Variants in SLC45A4 observed in about 807,000 individuals in gnomAD.
The protein encoded by SLC45A4 is polyamine-transporter SLC45A4.
Under a neutral mutation model 63.7 loss-of-function variants are expected in SLC45A4, and 32 were observed. The observed-to-expected ratio is 0.50, with a 90% CI of 0.38 to 0.67. SLC45A4 has a LOEUF of 0.67. SLC45A4 is among the 30% of genes least tolerant of loss of function. The pLI is 0.00. For synonymous variants in SLC45A4, 535 were observed against 510.0 expected (o/e 1.05, Z -0.66); for missense variants, 1,027 against 1,157.7 (o/e 0.89, Z 1.64).
chr8:141,227,613 G>GC lies in SLC45A4; in HGVS notation c.242-5849dup, dbSNP rs1328713991. ...AAAGACACTGGGCCGGGGGAGCCGG[G>GC]CCCCCAGGGCTCGGGCCACCTGCTT... is the stretch of plus-strand genomic sequence containing the variant. On this transcript the variant is annotated intron_variant, in intron 2 of 8. Transcript: ENST00000517878. This position sits in a 1 kb window ranked among gnomAD's most constrained non-coding sequence, Gnocchi z 4.4. 6.6e-6 allele frequency among the ~76,000 whole-genome samples: 1 copy of GC among 152,118 alleles called. No homozygotes were observed. The highest frequency in any genetic ancestry group is 1.9e-4 in the East Asian group (1 of 5,158).
intron 1 of SLC45A4, among the ~76,000 whole-genome samples, chr8:141,284,488 C>G (rs1174396746): frequency 6.6e-6 from 1 of 152,222 alleles, no homozygotes; most frequent in Non-Finnish European, 1.5e-5. Context: ...AATGTTTCTC[C>G]CAGGAGGGCC....
chr8:141,267,896 G>A (rs772651663), intron 1 of SLC45A4, among the ~76,000 whole-genome samples: 2 of 152,162 alleles, frequency 1.3e-5, no homozygotes, highest in Non-Finnish European at 2.9e-5. Context: ...TTCGAAAGAC[G>A]GTTTGCCCAT....
At chr8:141,298,079 C>T (rs1392585120) in intron 1 of SLC45A4, among the ~76,000 whole-genome samples, 6 of 152,238 alleles carry the variant, frequency 3.9e-5, no homozygotes, top group African/African-American at 1.4e-4. Context: ...CACCATCCCC[C>T]GTGTCCACAC....
chr8:141,297,375 T>C lies in SLC45A4; in HGVS notation c.-401+10721A>G, dbSNP rs1165481725. ...GGCCCGCTAAGCCGAAGCAGAACTGTGTGGGCAAAAATAAATCCCCAGATG... is the reference window on the plus strand; with the variant it reads ...GGCCCGCTAAGCCGAAGCAGAACTGCGTGGGCAAAAATAAATCCCCAGATG... On this transcript the variant is annotated intron_variant, in intron 1 of 8. Transcript: ENST00000517878. Among the ~76,000 whole-genome samples the C allele has an allele frequency of 3.9e-5, 6 of 152,190 alleles. No individual in the cohort carries two copies. In the East Asian group the frequency reaches 7.7e-4, roughly 20 times the overall value.
intron 2 of SLC45A4, among the ~76,000 whole-genome samples, chr8:141,233,440 C>CT (rs1288058449): frequency 3.3e-5 from 5 of 152,088 alleles, no homozygotes; most frequent in Admixed American, 1.3e-4. Context: ...AATCCCAGCA[C>CT]TTTAGAAGGC....
rs569917268 is a variant in SLC45A4 at position 141,229,535 on chromosome 8, G to A, written c.242-7770C>T. ...TGGTGTCCAGGCACTCCCTTGTCAA[G>A]GCCACAAGCTTCAAGGCAGTGGGAC... On this transcript the variant is annotated intron_variant, in intron 2 of 8. Transcript: ENST00000517878. The surrounding 1 kb of genome is among the most constrained non-coding windows in gnomAD (Gnocchi z 5.0). 1.3e-5 allele frequency among the ~76,000 whole-genome samples: 2 copies of A among 152,116 alleles called. No homozygotes were observed. Among genetic ancestry groups the A allele is most frequent in the Non-Finnish European group, 2.9e-5 (2 of 68,018 alleles).
intron 1 of SLC45A4, among the ~76,000 whole-genome samples, chr8:141,295,804 G>C (rs1035742213): frequency 6.6e-6 from 1 of 152,242 alleles, no homozygotes; most frequent in Non-Finnish European, 1.5e-5. Flanking sequence ...TCTCAAGGCT[G>C]AAGGCCTTGA....
At chr8:141,270,001 A>T (rs1829451420) in intron 1 of SLC45A4, among the ~76,000 whole-genome samples, 1 of 152,026 alleles carries the variant, frequency 6.6e-6, no homozygotes, top group Admixed American at 6.6e-5. Context: ...GCCTGGCCCA[A>T]GCCCCAGACA....
Position 141,211,614 on chromosome 8 carries a change from A to G in SLC45A4, c.2385T>C (p.Tyr795=). 5 of 1,612,608 alleles carry G rather than the reference A, an allele frequency of 3.1e-6. No homozygotes were observed. The South Asian group carries it at 5.5e-5, about 18-fold the overall frequency. Residue 795 remains tyrosine, a synonymous_variant, in exon 9 of 9, where the codon TAT becomes TAC. Transcript: ENST00000517878. ...QLLESIFLYD[Y]FRKKIFFSTM... Reference sequence around the variant, plus strand: ...TGGAAAAGAAAATTTTTTTTCTAAAATAATCATAAAGAAAAATACTCTCCA... The same window carrying G: ...TGGAAAAGAAAATTTTTTTTCTAAAGTAATCATAAAGAAAAATACTCTCCA...
In SLC45A4 at chr8:141,286,716, G is replaced by A. The variant is rs575468803; in HGVS notation, c.-401+21380C>T. On this transcript the variant is annotated intron_variant, in intron 1 of 8. Transcript: ENST00000517878. The stretch of plus-strand genomic sequence containing the variant: ...ACTTTAACTTCTTTCCCACTTGTTC[G>A]CTTATCAGCAGCAGCCCCCCCGCCC... Among the ~76,000 whole-genome samples the A allele has an allele frequency of 1.8e-4, 27 of 150,794 alleles. 1 individual carries two copies. Among genetic ancestry groups the A allele is most frequent in the East Asian group, 5.9e-4 (3 of 5,098 alleles).
At chr8:141,269,156 G>A (rs542614324) in intron 1 of SLC45A4, among the ~76,000 whole-genome samples, 5 of 152,310 alleles carry the variant, frequency 3.3e-5, no homozygotes, top group East Asian at 3.9e-4. Context: ...TCCAGGCTGC[G>A]CTGTCACCCT....
chr8:141,282,579 G>A (rs1446553325), intron 1 of SLC45A4, among the ~76,000 whole-genome samples: 1 of 152,252 alleles, frequency 6.6e-6, no homozygotes, highest in Non-Finnish European at 1.5e-5. Context: ...CCCGTGCACA[G>A]CTCGTGGATG....
chr8:141,252,893 G>C (rs966349131), intron 2 of SLC45A4, among the ~76,000 whole-genome samples: 3 of 150,364 alleles, frequency 2.0e-5, no homozygotes, highest in Non-Finnish European at 4.4e-5. Flanking sequence ...ATCCACCTGT[G>C]TGTCTGTGAA....
chr8:141,274,209 A>G (rs1829644693), intron 1 of SLC45A4, among the ~76,000 whole-genome samples: 1 of 150,254 alleles, frequency 6.7e-6, no homozygotes, highest in South Asian at 2.1e-4. Context: ...AGCCTGGGCA[A>G]CAGAGGGAGA....
chr8:141,307,818 G>GC (rs1563689511), intron 1 of SLC45A4, among the ~76,000 whole-genome samples: 1 of 150,448 alleles, frequency 6.6e-6, no homozygotes, highest in East Asian at 2.0e-4. Context: ...GGCCGGGGTG[G>GC]GGGGAATGAG....
chr8:141,219,193 A>G (rs1258871372), intron 4 of SLC45A4, among the ~76,000 whole-genome samples, 164 bp from the exon 5 acceptor site: 1 of 152,268 alleles, frequency 6.6e-6, no homozygotes, highest in African/African-American at 2.4e-5. Flanking sequence ...AAGAAACTGC[A>G]GCTGCTGCTG....
chr8:141,231,927 T>G (rs1827376216), intron 2 of SLC45A4, among the ~76,000 whole-genome samples: 1 of 152,168 alleles, frequency 6.6e-6, no homozygotes, highest in Admixed American at 6.5e-5. Context: ...AAGGTTCTCC[T>G]CCCTCCATGG....
At position 141,278,112 on chromosome 8, in the gene SLC45A4, A is replaced by T. The variant is rs1163175270; in HGVS notation, c.-400-23483T>A. ...CTGTTTTAAATACAGCACACTTCTC[A>T]TCTGCGAATAGTTCCAGGACACACC... On this transcript the variant is annotated intron_variant, in intron 1 of 8. Transcript: ENST00000517878. This position sits in a 1 kb window ranked among gnomAD's most constrained non-coding sequence, Gnocchi z 4.1. 1 of 152,310 alleles carries T rather than the reference A, an allele frequency of 6.6e-6. No homozygotes were observed. 9.4% of individuals were successfully genotyped at this position (152,310 alleles called of 1,614,324 possible).
chr8:141,252,100 T>G (rs1174765213), intron 2 of SLC45A4, among the ~76,000 whole-genome samples: 1 of 150,870 alleles, frequency 6.6e-6, no homozygotes, highest in East Asian at 1.9e-4. Flanking sequence ...TACCATGCAA[T>G]ATGTTGAATT....
Sources: allele counts gnomAD v4.1 joint callset (sites outside exome capture counted in the v4.1 genomes callset), GRCh38; gene constraint gnomAD v4.1.1; non-coding constraint Gnocchi (gnomAD v3.1); transcripts MANE v1.5; gene names NCBI Gene and HGNC (gene_info 2026-07-23, HGNC 2026-07-21).